FIGN: variants seen among roughly 807,000 people sequenced by gnomAD.
FIGN encodes the protein fidgetin.
Under a neutral mutation model 51.3 loss-of-function variants are expected in FIGN, and 11 were observed. The ratio of observed to expected loss-of-function variants is 0.21; its 90% confidence interval spans 0.13 to 0.35. The LOEUF is 0.35. FIGN is among the 10% of genes least tolerant of loss of function. The pLI is 1.00. For synonymous variants in FIGN, 407 were observed against 363.2 expected (o/e 1.12, Z -1.37); for missense variants, 857 against 943.6 (o/e 0.91, Z 1.20).
chr2:163,666,625 T>G (rs1337528330), intron 2 of FIGN, among the ~76,000 whole-genome samples: 1 of 152,184 alleles, frequency 6.6e-6, no homozygotes, highest in Non-Finnish European at 1.5e-5. Flanking sequence ...GATCTCCTTT[T>G]AAGACCTAGA....
At chr2:163,708,711 G>C (rs906989590) in intron 2 of FIGN, among the ~76,000 whole-genome samples, 1 of 152,122 alleles carries the variant, frequency 6.6e-6, no homozygotes, top group African/African-American at 2.4e-5. Flanking sequence ...GGAGAATCCT[G>C]CTAGATGGGG....
chr2:163,680,164 T>G (rs1684038925), intron 2 of FIGN, among the ~76,000 whole-genome samples: 1 of 152,212 alleles, frequency 6.6e-6, no homozygotes, highest in Non-Finnish European at 1.5e-5. Flanking sequence ...ACAGGGACTA[T>G]GTAGGCATAC....
rs189721989 is a variant in FIGN at position 163,652,787 on chromosome 2, G to A, written c.26-40981C>T. On this transcript the variant is annotated intron_variant, in intron 2 of 2. Coordinates refer to ENST00000333129, the MANE Select transcript of FIGN (RefSeq NM_018086.4). ...TGCTGAATAATTTTCCCTGGTTTCC[G>A]TCCAAAAAAACAAAACAGAAAAACC... Among the ~76,000 whole-genome samples the A allele has an allele frequency of 2.0e-3, 304 of 151,800 alleles. 2 individuals carry two copies. The highest frequency in any genetic ancestry group is 3.4e-3 in the Non-Finnish European group (229 of 67,910).
intron 2 of FIGN, among the ~76,000 whole-genome samples, chr2:163,713,447 A>C (rs1684619340): frequency 6.6e-6 from 1 of 150,422 alleles, no homozygotes; most frequent in Non-Finnish European, 1.5e-5. Flanking sequence ...TCTTTCACAC[A>C]CCACACACAC....
chr2:163,656,113 C>T (rs1437172189), intron 2 of FIGN, among the ~76,000 whole-genome samples: 1 of 152,096 alleles, frequency 6.6e-6, no homozygotes, highest in Non-Finnish European at 1.5e-5. Context: ...AATATCTCCC[C>T]AAGACTCTTA....
chr2:163,669,249 C>T (rs1228096091), intron 2 of FIGN, among the ~76,000 whole-genome samples: 2 of 152,042 alleles, frequency 1.3e-5, no homozygotes, highest in Non-Finnish European at 2.9e-5. Flanking sequence ...CTCACTCAGT[C>T]GCCCAGGCTG....
At chr2:163,635,103 T>C (rs1013887693) in intron 2 of FIGN, among the ~76,000 whole-genome samples, 10 of 152,210 alleles carry the variant, frequency 6.6e-5, no homozygotes, top group Non-Finnish European at 1.2e-4. Flanking sequence ...ACCTACTATG[T>C]GTATGCTTAA....
rs368686636 is a variant in FIGN at position 163,610,126 on chromosome 2, G to C, written c.1706C>G (p.Ala569Gly). The change falls in exon 3 of 3, where the codon GCC becomes GGC. Residue 569 changes from alanine to glycine, a missense_variant. By Grantham distance (60) the Ala-to-Gly change is moderately conservative (BLOSUM62 0). Around this residue, in one of 3 missense-constraint regions of FIGN, gnomAD observed 799 missense variants for 849.5 expected, o/e 0.94. Coordinates refer to ENST00000333129, the MANE Select transcript of FIGN (RefSeq NM_018086.4). ...GCGACACCTGGCCACAAGAAAAGAG[G>C]CATGGATAATTTTCTCTGCTTCTCC... ...WLGEAEKIIHASFLVARCRQP... is the reference protein window; with the variant it reads ...WLGEAEKIIHGSFLVARCRQP... 33 of 1,613,952 alleles carry C rather than the reference G, an allele frequency of 2.0e-5. No homozygotes were observed. The highest frequency in any genetic ancestry group is 2.6e-5 in the Non-Finnish European group (31 of 1,180,000).
intron 2 of FIGN, among the ~76,000 whole-genome samples, chr2:163,647,763 C>T (rs930456315): frequency 4.6e-5 from 7 of 152,208 alleles, no homozygotes; most frequent in African/African-American, 1.2e-4. Context: ...CTTTTTTGAT[C>T]GCTGTCAGCT....
intron 2 of FIGN, among the ~76,000 whole-genome samples, chr2:163,728,147 T>C (rs973530419): frequency 3.3e-5 from 5 of 152,204 alleles, no homozygotes; most frequent in African/African-American, 9.6e-5. Context: ...GACACTATTA[T>C]AACAAGGTTA....
intron 2 of FIGN, among the ~76,000 whole-genome samples, chr2:163,629,051 A>G (rs1683100923): frequency 6.6e-6 from 1 of 152,156 alleles, no homozygotes. Flanking sequence ...CAAGCTTTAC[A>G]AGGAGGTTTG....
At chr2:163,638,629 T>C (rs1395721454) in intron 2 of FIGN, among the ~76,000 whole-genome samples, 1 of 152,190 alleles carries the variant, frequency 6.6e-6, no homozygotes, top group Non-Finnish European at 1.5e-5. Context: ...GATGAACATT[T>C]CAGTTACTAA....
chr2:163,661,342 C>T (rs575171121), intron 2 of FIGN, among the ~76,000 whole-genome samples: 18 of 151,544 alleles, frequency 1.2e-4, no homozygotes, highest in African/African-American at 3.9e-4. Context: ...TGGGTTCAAG[C>T]GATTCTTCCA....
At chr2:163,722,020 T>C (rs540072564) in intron 2 of FIGN, among the ~76,000 whole-genome samples, 5 of 152,338 alleles carry the variant, frequency 3.3e-5, no homozygotes, top group Non-Finnish European at 1.5e-5. Flanking sequence ...TGTAATGCTA[T>C]TTATTGTAAC....
Position 163,667,076 on chromosome 2 carries a change from G to A in FIGN, c.26-55270C>T, listed in dbSNP as rs1285437625. Among the ~76,000 whole-genome samples the A allele has an allele frequency of 2.6e-5, 4 of 151,848 alleles. No individual in the cohort carries two copies. The South Asian group carries it at 6.2e-4, about 24-fold the overall frequency. On this transcript the variant is annotated intron_variant, in intron 2 of 2. Coordinates refer to ENST00000333129, the MANE Select transcript of FIGN (RefSeq NM_018086.4). ...TTTCTGTATTCTCTATTTTTGGTTA[G>A]TGTCACCCCAGAGGCATAGTTTCCA... is the stretch of plus-strand genomic sequence containing the variant.
At chr2:163,688,705 T>A (rs543108771) in intron 2 of FIGN, among the ~76,000 whole-genome samples, 2 of 152,228 alleles carry the variant, frequency 1.3e-5, no homozygotes, top group South Asian at 4.1e-4. Flanking sequence ...GCCCAGATAA[T>A]TCAAAGTTGG....
chr2:163,668,814 G>A (rs1019897320), intron 2 of FIGN, among the ~76,000 whole-genome samples: 7 of 151,828 alleles, frequency 4.6e-5, no homozygotes, highest in Non-Finnish European at 7.4e-5. Flanking sequence ...GGTGGCGGGC[G>A]CCTGTAGTCC....
At chr2:163,690,116 A>G (rs1684217334) in intron 2 of FIGN, among the ~76,000 whole-genome samples, 1 of 152,190 alleles carries the variant, frequency 6.6e-6, no homozygotes, top group African/African-American at 2.4e-5. Flanking sequence ...ATGAAAGAAC[A>G]GTTACCAATG....
At position 163,603,788 on chromosome 2, in the gene FIGN, C is replaced by T. The variant is rs1361043354; in HGVS notation, c.*5764G>A. On this transcript the variant is annotated 3_prime_UTR_variant, in exon 3 of 3. Transcript: ENST00000333129. ...ATTCATCGATTGGGTGGGTGGTGAA[C>T]CCCTTTCAGCATTTTTTAAAACTAA... is the stretch of plus-strand genomic sequence containing the variant. 1.7e-4 allele frequency: 26 copies of T among 152,054 alleles called. No homozygotes were observed. Among genetic ancestry groups the T allele is most frequent in the Admixed American group, 1.7e-3 (26 of 15,230 alleles). The allele number at this position is 152,054 out of a possible 1,614,324, so 9.4% of individuals were successfully genotyped here.
Sources: gnomAD v4.1 joint callset for allele counts (sites outside exome capture counted in the v4.1 genomes callset) on GRCh38, gnomAD v4.1.1 for gene constraint, gnomAD v4.1.1 regional missense constraint, MANE v1.5 for transcripts, NCBI Gene and HGNC (gene_info 2026-07-23, HGNC 2026-07-21) for gene names.